MIPEP: variants seen among roughly 807,000 people sequenced by gnomAD.
MIPEP encodes mitochondrial intermediate peptidase.
A neutral mutation model predicts 90.3 loss-of-function variants in MIPEP; 79 were observed. The ratio of observed to expected loss-of-function variants is 0.87; its 90% confidence interval spans 0.73 to 1.05. The LOEUF is 1.05. Among genes scored for constraint, MIPEP ranks in the 50% least tolerant of loss-of-function variants. The probability of loss-of-function intolerance (pLI) is 0.00; values close to 1 mark genes in which losing one functional copy is unlikely to be tolerated. For synonymous variants in MIPEP, 334 were observed against 315.8 expected (o/e 1.06, Z -0.61); for missense variants, 940 against 905.6 (o/e 1.04, Z -0.49).
intron 15 of MIPEP, among the ~76,000 whole-genome samples, chr13:23,808,733 T>A (rs569000060): frequency 3.3e-5 from 5 of 152,312 alleles, no homozygotes; most frequent in African/African-American, 1.2e-4. Context: ...AGAAATCCTT[T>A]AAAAATTATA....
At chr13:23,800,478 A>G (rs1482104871) in intron 16 of MIPEP, among the ~76,000 whole-genome samples, 2 of 152,234 alleles carry the variant, frequency 1.3e-5, no homozygotes, top group African/African-American at 4.8e-5. Context: ...GCAGAAGGTG[A>G]GCCTGTTGGT....
chr13:23,844,791 T>C (rs930588034), intron 10 of MIPEP, among the ~76,000 whole-genome samples: 17 of 152,220 alleles, frequency 1.1e-4, no homozygotes, highest in African/African-American at 3.6e-4. Flanking sequence ...ACAATCATTA[T>C]GTGTTGGGCA....
At chr13:23,863,602 C>T (rs897389431) in intron 8 of MIPEP, among the ~76,000 whole-genome samples, 22 of 152,000 alleles carry the variant, frequency 1.4e-4, no homozygotes, top group Admixed American at 3.3e-4. Context: ...TCCAAATTCC[C>T]CCCAAAAAAT....
intron 16 of MIPEP, among the ~76,000 whole-genome samples, chr13:23,793,711 C>T (rs952546515): frequency 4.0e-5 from 6 of 151,704 alleles, no homozygotes; most frequent in African/African-American, 1.5e-4. Flanking sequence ...CTGAGATGAC[C>T]CATCTTAAGG....
chr13:23,851,264 T>C (rs1869788409), intron 10 of MIPEP, among the ~76,000 whole-genome samples: 1 of 152,188 alleles, frequency 6.6e-6, no homozygotes. Flanking sequence ...CCTAAAAGAC[T>C]GACTTTTCAG....
chr13:23,879,118 A>G, intron 4 of MIPEP, 150 bp downstream of exon 4: 1 of 624,720 alleles, frequency 1.6e-6, no homozygotes, highest in Non-Finnish European at 2.9e-6. Context: ...ATTTGAGTGG[A>G]GTCCTAGAGA....
chr13:23,832,057 A>G (rs11617475), intron 14 of MIPEP, among the ~76,000 whole-genome samples: 16,275 of 152,154 alleles, frequency 0.11, 1,041 homozygotes, highest in Non-Finnish European at 0.14. Flanking sequence ...TTAAGCCCCA[A>G]TGGGGCTTAA....
intron 9 of MIPEP, among the ~76,000 whole-genome samples, chr13:23,859,379 G>A (rs895034967): frequency 6.6e-6 from 1 of 152,206 alleles, no homozygotes; most frequent in African/African-American, 2.4e-5. Flanking sequence ...AACCAAGGCA[G>A]AATTAACTCT....
intron 16 of MIPEP, among the ~76,000 whole-genome samples, chr13:23,765,618 A>G (rs961715442): frequency 1.1e-4 from 16 of 152,214 alleles, no homozygotes; most frequent in African/African-American, 3.6e-4. Context: ...GATGTGTGTT[A>G]TAAACTTCCC....
At chr13:23,795,924 G>C (rs957413821) in intron 16 of MIPEP, among the ~76,000 whole-genome samples, 4 of 151,760 alleles carry the variant, frequency 2.6e-5, no homozygotes, top group Non-Finnish European at 2.9e-5. Context: ...TGAGCCTTGA[G>C]GTTAAGGCTG....
chr13:23,767,521 G>A (rs748677997), intron 16 of MIPEP, among the ~76,000 whole-genome samples: 33 of 151,176 alleles, frequency 2.2e-4, no homozygotes, highest in Non-Finnish European at 3.2e-4. Context: ...GCACGATCTC[G>A]GCTCACTGTA....
intron 14 of MIPEP, among the ~76,000 whole-genome samples, chr13:23,824,324 A>G (rs1006482067): frequency 6.6e-6 from 1 of 152,214 alleles, no homozygotes; most frequent in African/African-American, 2.4e-5. Context: ...TTTTTTACTT[A>G]TGACCATTGA....
chr13:23,886,208 T>C (rs748431217), intron 2 of MIPEP, 125 bp downstream of exon 2: 35 of 676,858 alleles, frequency 5.2e-5, no homozygotes, highest in Non-Finnish European at 6.8e-5. Flanking sequence ...ACCCAATGGA[T>C]CTCAGTTTCA....
chr13:23,813,692 G>A (rs1313670771), intron 14 of MIPEP, among the ~76,000 whole-genome samples: 1 of 152,102 alleles, frequency 6.6e-6, no homozygotes, highest in Non-Finnish European at 1.5e-5. Context: ...GAACTCCTGG[G>A]CTCAAAGATC....
chr13:23,751,207 GGTTT>G (rs1414033659), intron 18 of MIPEP, among the ~76,000 whole-genome samples: 2 of 152,100 alleles, frequency 1.3e-5, no homozygotes, highest in East Asian at 3.8e-4. Context: ...ATAATTCTCT[GGTTT>G]GTTTCTTAAA....
chr13:23,848,801 C>T (rs1234115041), intron 10 of MIPEP, among the ~76,000 whole-genome samples: 1 of 152,178 alleles, frequency 6.6e-6, no homozygotes, highest in Non-Finnish European at 1.5e-5. Flanking sequence ...CCATCCAGAG[C>T]GAGACTACAT....
rs184600367 is a variant in MIPEP at position 23,829,557 on chromosome 13, C to G, written c.1653+6683G>C. The stretch of plus-strand genomic sequence containing the variant: ...TGCCTAAAAAGGATTATTATTTCAA[C>G]TACCAAGAATTTCTGAAAATCAGTA... On this transcript the variant is annotated intron_variant, in intron 14 of 18. Transcript: ENST00000382172. Among the ~76,000 whole-genome samples, 16 of 152,232 alleles carry G rather than the reference C, an allele frequency of 1.1e-4. No individual in the cohort carries two copies. The East Asian group carries it at 3.1e-3, about 29-fold the overall frequency.
At chr13:23,776,092 C>G (rs939550168) in intron 16 of MIPEP, among the ~76,000 whole-genome samples, 32 of 152,016 alleles carry the variant, frequency 2.1e-4, no homozygotes, top group African/African-American at 7.2e-4. Context: ...CTCTGTACCC[C>G]CCATCTATCA....
chr13:23,759,021 A>G (rs928651591), intron 17 of MIPEP, among the ~76,000 whole-genome samples: 7 of 152,226 alleles, frequency 4.6e-5, no homozygotes, highest in Middle Eastern at 3.2e-3. Flanking sequence ...AGCAGTAAAA[A>G]TAGCACTCAT....
Sources: gnomAD v4.1 joint callset for allele counts (sites outside exome capture counted in the v4.1 genomes callset) on GRCh38, gnomAD v4.1.1 for gene constraint, MANE v1.5 for transcripts, NCBI Gene and HGNC (gene_info 2026-07-23, HGNC 2026-07-21) for gene names.